SNTG1: variants seen among roughly 807,000 people sequenced by gnomAD.
The protein encoded by SNTG1 is syntrophin gamma 1.
Under a neutral mutation model 74.7 loss-of-function variants are expected in SNTG1, and 39 were observed. The observed-to-expected ratio is 0.52, with a 90% CI of 0.40 to 0.68. The LOEUF (loss-of-function observed/expected upper bound fraction) is 0.68. Ranked by LOEUF, SNTG1 falls within the 30% of genes least tolerant of loss-of-function variation. The pLI, the probability that SNTG1 is intolerant of heterozygous loss-of-function variation, is 0.00. For synonymous variants in SNTG1, 254 were observed against 217.1 expected (o/e 1.17, Z -1.49); for missense variants, 685 against 609.5 (o/e 1.12, Z -1.30).
chr8:50,215,767 G>C (rs2084761061), intron 2 of SNTG1, among the ~76,000 whole-genome samples: 1 of 151,940 alleles, frequency 6.6e-6, no homozygotes. Flanking sequence ...AAACTTTCTA[G>C]AAAGTTTTCA....
intron 1 of SNTG1, among the ~76,000 whole-genome samples, chr8:49,982,086 A>G (rs954465851): frequency 2.6e-5 from 4 of 152,206 alleles, no homozygotes; most frequent in African/African-American, 9.6e-5. Flanking sequence ...GACTTGATCC[A>G]ATCAAACTCT....
At chr8:50,256,179 T>C (rs1272486117) in intron 2 of SNTG1, among the ~76,000 whole-genome samples, 2 of 141,544 alleles carry the variant, frequency 1.4e-5, no homozygotes, top group Non-Finnish European at 1.6e-5. Context: ...ACATTCCCAT[T>C]TTGCTATATA....
At chr8:50,089,044 G>T (rs377553753) in intron 1 of SNTG1, among the ~76,000 whole-genome samples, 2 of 151,648 alleles carry the variant, frequency 1.3e-5, no homozygotes, top group Non-Finnish European at 3.0e-5. Context: ...CATGGTACTG[G>T]TACCAAAACA....
chr8:50,518,132 A>C (rs1006005860), intron 9 of SNTG1, among the ~76,000 whole-genome samples: 1 of 152,168 alleles, frequency 6.6e-6, no homozygotes, highest in African/African-American at 2.4e-5. Flanking sequence ...CAATCAAATA[A>C]GAACTCAGGA....
chr8:50,612,530 G>T (rs999492824), intron 13 of SNTG1, among the ~76,000 whole-genome samples: 7 of 152,134 alleles, frequency 4.6e-5, no homozygotes, highest in East Asian at 1.9e-4. Context: ...TATTAGAAAA[G>T]AATGTTCCAC....
Position 50,379,413 on chromosome 8 carries a change from C to T in SNTG1, c.-27-14799C>T, listed in dbSNP as rs528693370. ...TGCAGTTGGGCAGCTGCAGTTGTGC[C>T]GATGGGGGGTCAGGGGCAGGGCTCC... is the stretch of plus-strand genomic sequence containing the variant. On this transcript the variant is annotated intron_variant, in intron 2 of 18. Transcript: ENST00000642720. Among the ~76,000 whole-genome samples the T allele has an allele frequency of 7.2e-4, 109 of 152,212 alleles. 2 individuals are homozygous for T. Among genetic ancestry groups the T allele is most frequent in the Middle Eastern group, 3.4e-3 (1 of 294 alleles).
intron 15 of SNTG1, among the ~76,000 whole-genome samples, chr8:50,701,744 TC>T (rs1317210584): frequency 0.11 from 5,953 of 54,628 alleles, 394 homozygotes; most frequent in East Asian, 0.37. Flanking sequence ...TTCTTTTTCT[TC>T]TCCTTCTTCT....
At chr8:50,247,973 G>A (rs1324438562) in intron 2 of SNTG1, among the ~76,000 whole-genome samples, 1 of 152,008 alleles carries the variant, frequency 6.6e-6, no homozygotes, top group African/African-American at 2.4e-5. Flanking sequence ...ATCAGTTCTG[G>A]GACTCTTTCC....
intron 12 of SNTG1, among the ~76,000 whole-genome samples, chr8:50,562,463 C>A (rs781376279): frequency 6.6e-6 from 1 of 152,172 alleles, no homozygotes; most frequent in African/African-American, 2.4e-5. Context: ...TCAAAGAAAG[C>A]AGTAGTCCAA....
At chr8:50,745,419 C>T (rs2095552972) in intron 17 of SNTG1, among the ~76,000 whole-genome samples, 1 of 151,898 alleles carries the variant, frequency 6.6e-6, no homozygotes, top group Non-Finnish European at 1.5e-5. Flanking sequence ...TGTGGAGAAC[C>T]TCATAAATGG....
At chr8:50,677,736 T>C (rs2095314845) in intron 15 of SNTG1, among the ~76,000 whole-genome samples, 1 of 152,142 alleles carries the variant, frequency 6.6e-6, no homozygotes, top group East Asian at 1.9e-4. Flanking sequence ...TTCTGAAGCC[T>C]TCATCCACTA....
At chr8:50,030,560 T>C (rs1288800295) in intron 1 of SNTG1, among the ~76,000 whole-genome samples, 2 of 152,084 alleles carry the variant, frequency 1.3e-5, no homozygotes, top group Non-Finnish European at 2.9e-5. Flanking sequence ...TATTTTTGTC[T>C]ATGGATAGCC....
intron 12 of SNTG1, among the ~76,000 whole-genome samples, chr8:50,564,389 T>C (rs2094504568): frequency 6.6e-6 from 1 of 152,142 alleles, no homozygotes. Flanking sequence ...ATTATAATGA[T>C]CAATGAAGGA....
intron 1 of SNTG1, among the ~76,000 whole-genome samples, chr8:49,920,952 A>G (rs1037534921): frequency 3.3e-5 from 5 of 152,118 alleles, no homozygotes; most frequent in Admixed American, 3.3e-4. Context: ...ATGCTCACAT[A>G]TGTAAGTGTG....
intron 2 of SNTG1, among the ~76,000 whole-genome samples, chr8:50,281,592 T>C (rs2088458948): frequency 6.6e-6 from 1 of 152,160 alleles, no homozygotes; most frequent in Admixed American, 6.5e-5. Context: ...TGGAAAGTCA[T>C]AGTGAGATAT....
chr8:50,418,049 C>T (rs977105602), intron 4 of SNTG1, among the ~76,000 whole-genome samples: 5 of 152,064 alleles, frequency 3.3e-5, no homozygotes, highest in African/African-American at 1.2e-4. Context: ...TATAATTTCC[C>T]CTTCTTCAAA....
intron 2 of SNTG1, among the ~76,000 whole-genome samples, chr8:50,205,882 G>C (rs1280309137): frequency 6.6e-6 from 1 of 152,064 alleles, no homozygotes; most frequent in African/African-American, 2.4e-5. Flanking sequence ...AGTTGTAGAT[G>C]TGTGGTATTA....
intron 18 of SNTG1, among the ~76,000 whole-genome samples, chr8:50,759,275 T>C (rs2095590650): frequency 6.6e-6 from 1 of 152,154 alleles, no homozygotes; most frequent in African/African-American, 2.4e-5. Context: ...TTCACTCTGA[T>C]GATAGTCTCT....
At chr8:50,170,474 T>TA (rs1046906707) in intron 1 of SNTG1, among the ~76,000 whole-genome samples, 3 of 151,438 alleles carry the variant, frequency 2.0e-5, no homozygotes, top group Non-Finnish European at 4.4e-5. Context: ...TCATGTAAAT[T>TA]AAAAAAAAAT....
Sources: gnomAD v4.1 joint callset for allele counts (sites outside exome capture counted in the v4.1 genomes callset) on GRCh38, gnomAD v4.1.1 for gene constraint, MANE v1.5 for transcripts, NCBI Gene and HGNC (gene_info 2026-07-23, HGNC 2026-07-21) for gene names.